Variants in DOCK2 observed in about 807,000 individuals in gnomAD.
DOCK2 encodes the protein dedicator of cytokinesis protein 2.
DOCK2 carries 87 observed loss-of-function variants against 248.9 expected under a neutral mutation model. That is an observed-to-expected ratio of 0.35 (90% CI 0.29 to 0.42). DOCK2 has a LOEUF of 0.42. DOCK2 is among the 10% of genes least tolerant of loss of function. DOCK2 has a pLI of 1.00. For synonymous variants in DOCK2, 805 were observed against 821.6 expected (o/e 0.98, Z 0.35); for missense variants, 1,747 against 2,300.2 (o/e 0.76, Z 4.92).
chr5:169,720,512 CT>C (rs1364606266), intron 22 of DOCK2, among the ~76,000 whole-genome samples: 1 of 151,628 alleles, frequency 6.6e-6, no homozygotes, highest in Non-Finnish European at 1.5e-5. Context: ...AAGGATTGAG[CT>C]TCTTTACAAA....
intron 27 of DOCK2, among the ~76,000 whole-genome samples, chr5:169,958,449 G>A (rs1241647710): frequency 6.6e-6 from 1 of 152,154 alleles, no homozygotes; most frequent in African/African-American, 2.4e-5. Context: ...AGAATGTTCT[G>A]CTTGAAAAGC....
chr5:169,947,285 A>G (rs1776487667), intron 27 of DOCK2, among the ~76,000 whole-genome samples: 1 of 152,226 alleles, frequency 6.6e-6, no homozygotes, highest in Admixed American at 6.5e-5. Context: ...ATGTTCCAAG[A>G]TTGTGAAGAG....
At chr5:170,013,195 G>T (rs1755372834) in intron 32 of DOCK2, among the ~76,000 whole-genome samples, 1 of 152,070 alleles carries the variant, frequency 6.6e-6, no homozygotes, top group African/African-American at 2.4e-5. Flanking sequence ...AGCAAGCATG[G>T]CTTCCTAGGG....
chr5:169,904,910 C>T (rs374515047), intron 27 of DOCK2, among the ~76,000 whole-genome samples: 6 of 152,106 alleles, frequency 3.9e-5, no homozygotes, highest in African/African-American at 1.2e-4. Flanking sequence ...GGGAAGAAAC[C>T]GGCTCTGGAA....
chr5:170,009,919 C>G (rs1394711901), intron 32 of DOCK2, among the ~76,000 whole-genome samples: 1 of 152,176 alleles, frequency 6.6e-6, no homozygotes, highest in East Asian at 1.9e-4. Flanking sequence ...AAGGCAGAGC[C>G]AAGGACCCAA....
At chr5:169,988,988 T>C (rs1030465819) in intron 29 of DOCK2, among the ~76,000 whole-genome samples, 2 of 152,256 alleles carry the variant, frequency 1.3e-5, no homozygotes, top group Admixed American at 6.5e-5. Flanking sequence ...TCAGTATGTC[T>C]GGACATTCCA....
chr5:169,754,514 C>T (rs1372323735), intron 23 of DOCK2, among the ~76,000 whole-genome samples: 1 of 151,974 alleles, frequency 6.6e-6, no homozygotes, highest in Non-Finnish European at 1.5e-5. Context: ...AATGAGGATC[C>T]TTAACTTAAG....
chr5:169,825,448 T>C, intron 26 of DOCK2, among the ~76,000 whole-genome samples: 1 of 150,730 alleles, frequency 6.6e-6, no homozygotes, highest in East Asian at 1.9e-4. Context: ...CCATAGAAAA[T>C]GATGAGTTCA....
chr5:169,851,926 C>T (rs1395893968), intron 27 of DOCK2, among the ~76,000 whole-genome samples: 1 of 152,126 alleles, frequency 6.6e-6, no homozygotes, highest in Non-Finnish European at 1.5e-5. Context: ...ATGGGGATTA[C>T]AATTCGAGAT....
At chr5:169,863,817 A>G (rs1771359508) in intron 27 of DOCK2, among the ~76,000 whole-genome samples, 1 of 152,088 alleles carries the variant, frequency 6.6e-6, no homozygotes, top group African/African-American at 2.4e-5. Context: ...AGTTTATCTC[A>G]TTTTTTTCTA....
chr5:169,696,878 G>A (rs531482189), intron 10 of DOCK2, among the ~76,000 whole-genome samples: 1 of 151,254 alleles, frequency 6.6e-6, no homozygotes, highest in Non-Finnish European at 1.5e-5. Flanking sequence ...CAGTGATATT[G>A]GGCAAGCATT....
chr5:169,919,285 C>T (rs1775046737), intron 27 of DOCK2, among the ~76,000 whole-genome samples: 2 of 152,330 alleles, frequency 1.3e-5, no homozygotes, highest in Middle Eastern at 6.8e-3. Flanking sequence ...AAATGAGTCT[C>T]CTGACACCCA....
chr5:170,027,921 A>G lies in DOCK2; in HGVS notation c.3440A>G (p.Glu1147Gly). Residue 1147 changes from glutamate (E) to glycine (G), a missense_variant, in exon 34 of 52, where the codon GAG (glutamate) becomes GGG (glycine). Transcript: ENST00000520908. ...GAGGTAGAAGGGGGCCGAGGCGACG[A>G]GCAGTACATGCAGCTCCTGGAGTCA... ...DHEVEGGRGD[E>G]QYMQLLESIL... is the part of the protein sequence containing the mutation. The G allele has an allele frequency of 1.2e-6, 2 of 1,613,586 alleles. No individual in the cohort carries two copies. Among genetic ancestry groups the G allele is most frequent in the South Asian group, 1.1e-5 (1 of 90,992 alleles).
At chr5:169,861,616 A>G (rs982632556) in intron 27 of DOCK2, among the ~76,000 whole-genome samples, 2 of 152,256 alleles carry the variant, frequency 1.3e-5, no homozygotes, top group East Asian at 1.9e-4. Context: ...TCTGTAGAAT[A>G]TCATGGTAGA....
At chr5:169,959,158 C>T (rs973051634) in intron 27 of DOCK2, among the ~76,000 whole-genome samples, 5 of 151,868 alleles carry the variant, frequency 3.3e-5, no homozygotes, top group Non-Finnish European at 5.9e-5. Context: ...TTTGGGAGGC[C>T]GAGGGGGGCG....
At chr5:169,897,537 T>A (rs2113564601) in intron 27 of DOCK2, among the ~76,000 whole-genome samples, 1 of 152,292 alleles carries the variant, frequency 6.6e-6, no homozygotes, top group East Asian at 1.9e-4. Context: ...AAAGACATGA[T>A]GGTCCCTTTA....
chr5:169,972,903 AC>A (rs904571039), intron 27 of DOCK2, among the ~76,000 whole-genome samples: 29 of 151,830 alleles, frequency 1.9e-4, no homozygotes, highest in African/African-American at 6.3e-4. Flanking sequence ...CCAAGCAACC[AC>A]CCCCCTCCCC....
chr5:169,877,047 G>C (rs1041768747), intron 27 of DOCK2, among the ~76,000 whole-genome samples: 3 of 152,218 alleles, frequency 2.0e-5, no homozygotes, highest in African/African-American at 7.2e-5. Flanking sequence ...TCCTTCTGGG[G>C]AAGGATTGGA....
chr5:169,746,961 T>C (rs950040379), intron 22 of DOCK2, among the ~76,000 whole-genome samples: 11 of 152,210 alleles, frequency 7.2e-5, no homozygotes, highest in Middle Eastern at 3.2e-3. Context: ...AACAGGTTGT[T>C]GGGGCTCATC....
Sources: gnomAD v4.1 joint callset for allele counts (sites outside exome capture counted in the v4.1 genomes callset) on GRCh38, gnomAD v4.1.1 for gene constraint, MANE v1.5 for transcripts, NCBI Gene and HGNC (gene_info 2026-07-23, HGNC 2026-07-21) for gene names.